CACUL1: variants seen among roughly 807,000 people sequenced by gnomAD.
The protein encoded by CACUL1 is CDK2 associated cullin domain 1, also known as CDK2-associated and cullin domain-containing protein 1.
A neutral mutation model predicts 45.2 loss-of-function variants in CACUL1; 13 were observed. That is an observed-to-expected ratio of 0.29 (90% confidence interval 0.19 to 0.46). The LOEUF is 0.46. CACUL1 is among the 20% of genes least tolerant of loss of function. The pLI is 1.00. For missense variants in CACUL1, 421 were observed against 471.4 expected (o/e 0.89, Z 0.99); for synonymous variants, 197 against 174.2 (o/e 1.13, Z -1.03).
At chr10:118,696,938 C>A (rs866245306) in intron 5 of CACUL1, among the ~76,000 whole-genome samples, 7 of 152,196 alleles carry the variant, frequency 4.6e-5, no homozygotes, top group African/African-American at 1.4e-4. Context: ...CAAGTATATA[C>A]ATTTGCAAAC....
chr10:118,707,536 A>G lies in CACUL1; in HGVS notation c.649T>C (p.Tyr217His), dbSNP rs1389018888. The part of the protein sequence containing the change: ...IERFNIALGQ[Y>H]MGALQSIVPL... ...ACAATGCTCTGCAATGCTCCCATAT[A>G]TTGTCCAAGAGCTATATTAAATCTT... The change falls in exon 4 of 9, where the codon TAT becomes CAT. Residue 217 changes from tyrosine to histidine, a missense_variant. Physicochemically the swap from Tyr to His is moderately conservative, Grantham distance 83. Transcript: ENST00000369151. 6.3e-7 allele frequency: 1 copy of G among 1,589,556 alleles called. No homozygotes were observed. The highest frequency in any genetic ancestry group is 2.2e-5 in the East Asian group (1 of 44,770).
chr10:118,715,217 C>A (rs1293818314), intron 3 of CACUL1, among the ~76,000 whole-genome samples: 1 of 152,032 alleles, frequency 6.6e-6, no homozygotes, highest in Non-Finnish European at 1.5e-5. Context: ...TATATATATA[C>A]ACATACATGG....
rs1294621054 is a variant in CACUL1, at chr10:118,682,326, CAAT to C, written c.*3799_*3801del. On this transcript the variant is annotated 3_prime_UTR_variant, in exon 9 of 9. Transcript: ENST00000369151. ...GTTATTTTAATAGCTGCTTATGAAA[CAAT>C]AACAGTTTAACTCAAGGGCAATGCT... 1.7e-4 allele frequency: 26 copies of C among 152,158 alleles called. No homozygotes were observed. Among genetic ancestry groups the C allele is most frequent in the Non-Finnish European group, 3.1e-4 (21 of 67,986 alleles). The allele number at this position is 152,158 out of a possible 1,614,324, so 9.4% of individuals were successfully genotyped here.
intron 5 of CACUL1, among the ~76,000 whole-genome samples, chr10:118,698,916 A>C (rs541962123): frequency 3.6e-5 from 2 of 55,046 alleles, no homozygotes; most frequent in African/African-American, 1.1e-4. Context: ...GAATGTAGTT[A>C]TTTTTTTGCT....
intron 1 of CACUL1, among the ~76,000 whole-genome samples, chr10:118,732,178 G>A (rs1233697868): frequency 6.6e-6 from 1 of 152,196 alleles, no homozygotes; most frequent in Non-Finnish European, 1.5e-5. Context: ...ACTAAGTTTG[G>A]AGGCTGTGAG....
At chr10:118,751,192 T>A (rs1845895335) in intron 1 of CACUL1, among the ~76,000 whole-genome samples, 1 of 152,194 alleles carries the variant, frequency 6.6e-6, no homozygotes, top group African/African-American at 2.4e-5. Flanking sequence ...CTTGTTAATT[T>A]TAGGCACTGT....
intron 3 of CACUL1, among the ~76,000 whole-genome samples, chr10:118,723,363 T>A (rs900926225): frequency 2.6e-5 from 4 of 152,174 alleles, no homozygotes; most frequent in African/African-American, 9.7e-5. Flanking sequence ...CCTTCACTCC[T>A]CCCTTCAAAC....
At chr10:118,718,130 C>G (rs1188650215) in intron 3 of CACUL1, among the ~76,000 whole-genome samples, 1 of 152,170 alleles carries the variant, frequency 6.6e-6, no homozygotes, top group Non-Finnish European at 1.5e-5. Context: ...GGAAGACAGG[C>G]AGGTGATCCT....
At chr10:118,692,813 G>T (rs1409730760) in intron 6 of CACUL1, 1 of 152,178 alleles carries the variant, frequency 6.6e-6, no homozygotes, top group Non-Finnish European at 1.5e-5. Flanking sequence ...TAAAAAAGTA[G>T]AAGTTAATAA....
chr10:118,751,391 T>C (rs1358349195), intron 1 of CACUL1, among the ~76,000 whole-genome samples: 1 of 152,228 alleles, frequency 6.6e-6, no homozygotes, highest in Admixed American at 6.5e-5. Flanking sequence ...TTTAATTCAT[T>C]TGGAGTCTAT....
chr10:118,741,009 TG>T (rs1845787915), intron 1 of CACUL1, among the ~76,000 whole-genome samples: 1 of 151,822 alleles, frequency 6.6e-6, no homozygotes, highest in Admixed American at 6.6e-5. Context: ...AATTAAATCC[TG>T]GAAGTCAACA....
intron 1 of CACUL1, among the ~76,000 whole-genome samples, chr10:118,742,827 C>T: frequency 6.6e-6 from 1 of 152,134 alleles, no homozygotes; most frequent in East Asian, 1.9e-4. Context: ...TAGGAGACAG[C>T]TTACATTCCA....
chr10:118,750,455 GT>G (rs529146820), intron 1 of CACUL1, among the ~76,000 whole-genome samples: 50 of 152,150 alleles, frequency 3.3e-4, no homozygotes, highest in Admixed American at 4.6e-4. Flanking sequence ...TCCAATTTTA[GT>G]TGCTGTTCCA....
chr10:118,723,400 T>TTA (rs148738804), intron 3 of CACUL1, among the ~76,000 whole-genome samples: 10 of 151,968 alleles, frequency 6.6e-5, no homozygotes, highest in Admixed American at 2.0e-4. Context: ...CGAGTTTTGA[T>TTA]TATATATATA....
Position 118,677,114 on chromosome 10 carries a change from T to C in CACUL1, c.*9014A>G, listed in dbSNP as rs58083382. The C allele has an allele frequency of 4.9e-4, 75 of 152,346 alleles. No homozygotes were observed. Among genetic ancestry groups the C allele is most frequent in the African/African-American group, 1.6e-3 (67 of 41,586 alleles). 9.4% of individuals were successfully genotyped at this position (152,346 alleles called of 1,614,324 possible). A position where few individuals can be genotyped will look rare whatever the true frequency, so the allele number is the denominator to read the frequency against. On this transcript the variant is annotated 3_prime_UTR_variant, in exon 9 of 9. Transcript: ENST00000369151. ...GCACCTTTCATAAAATAATTGACCA[T>C]GGACAGCATGATTTCAAAAAGCCGC... is the stretch of plus-strand genomic sequence containing the variant.
intron 4 of CACUL1, 98 bp from the exon 5 acceptor site, chr10:118,701,506 G>A (rs374554148): frequency 1.8e-6 from 1 of 556,896 alleles, no homozygotes; most frequent in Admixed American, 3.3e-5. Context: ...AATGCATAAA[G>A]GCATCAATTA....
chr10:118,726,249 C>A, intron 3 of CACUL1: 1 of 1,119,972 alleles, frequency 8.9e-7, no homozygotes, highest in Non-Finnish European at 1.2e-6. Flanking sequence ...CCACACACAT[C>A]ACACTGAACA....
chr10:118,677,909 A>G lies in CACUL1; in HGVS notation c.*8219T>C, dbSNP rs1268507797. 2.6e-5 allele frequency: 4 copies of G among 152,240 alleles called. No individual in the cohort carries two copies. The highest frequency in any genetic ancestry group is 5.9e-5 in the Non-Finnish European group (4 of 68,038). 9.4% of individuals were successfully genotyped at this position (152,240 alleles called of 1,614,324 possible). A position where few individuals can be genotyped will look rare whatever the true frequency, so the allele number is the denominator to read the frequency against. On this transcript the variant is annotated 3_prime_UTR_variant, in exon 9 of 9. Transcript: ENST00000369151. ...AGGTGCCTATGCTCAATTTCATTAG[A>G]TAATACTGTTCTCCAAAGTAGAAGT...
chr10:118,712,881 C>T (rs1361382777), intron 3 of CACUL1, among the ~76,000 whole-genome samples: 1 of 152,212 alleles, frequency 6.6e-6, no homozygotes, highest in African/African-American at 2.4e-5. Context: ...GGAAAAGGCA[C>T]CACAAGTTCC....
Sources: gnomAD v4.1 joint callset for allele counts (sites outside exome capture counted in the v4.1 genomes callset) on GRCh38, gnomAD v4.1.1 for gene constraint, MANE v1.5 for transcripts, NCBI Gene and HGNC (gene_info 2026-07-23, HGNC 2026-07-21) for gene names.